GNG12: variants seen among roughly 807,000 people sequenced by gnomAD.
GNG12 encodes the protein G protein subunit gamma 12, also known as guanine nucleotide-binding protein G(I)/G(S)/G(O) subunit gamma-12.
For synonymous variants in GNG12, 28 were observed against 29.7 expected, an observed-to-expected ratio of 0.94 and a Z score of 0.19; for missense variants, 69 against 83.8, an observed-to-expected ratio of 0.82 and a Z score of 0.69.
intron 1 of GNG12, among the ~76,000 whole-genome samples, chr1:67,781,465 A>G (rs976400399): frequency 2.0e-5 from 3 of 152,204 alleles, no homozygotes; most frequent in Non-Finnish European, 2.9e-5. Flanking sequence ...TCTTGACTTG[A>G]GGCCTTTACA....
intron 3 of GNG12, among the ~76,000 whole-genome samples, chr1:67,706,007 A>G (rs1174945421): frequency 6.6e-6 from 1 of 152,218 alleles, no homozygotes; most frequent in Admixed American, 6.5e-5. Context: ...ATAATCCTGA[A>G]CTGCAAATAA....
intron 1 of GNG12, among the ~76,000 whole-genome samples, chr1:67,824,526 AAAGG>A (rs1213982154): frequency 6.6e-6 from 1 of 151,736 alleles, no homozygotes; most frequent in Non-Finnish European, 1.5e-5. Context: ...AAAAAAAAAA[AAAGG>A]AAGCAAGAAA....
chr1:67,807,079 A>T (rs1224736644), intron 1 of GNG12, among the ~76,000 whole-genome samples: 2 of 152,220 alleles, frequency 1.3e-5, no homozygotes, highest in Non-Finnish European at 2.9e-5. Context: ...TATAAACCAT[A>T]CAATGTCTGC....
chr1:67,731,735 A>G (rs1003197763), intron 2 of GNG12, among the ~76,000 whole-genome samples: 14 of 152,232 alleles, frequency 9.2e-5, no homozygotes, highest in Admixed American at 9.2e-4. Flanking sequence ...GCGGGGCATG[A>G]TATGATCAGA....
At chr1:67,818,719 G>C (rs886374803) in intron 1 of GNG12, among the ~76,000 whole-genome samples, 2 of 152,180 alleles carry the variant, frequency 1.3e-5, no homozygotes, top group Non-Finnish European at 2.9e-5. Flanking sequence ...ACAAAGGAAA[G>C]AGAGATCAAG....
At chr1:67,775,956 G>A (rs1646702719) in intron 2 of GNG12, among the ~76,000 whole-genome samples, 1 of 152,184 alleles carries the variant, frequency 6.6e-6, no homozygotes, top group Non-Finnish European at 1.5e-5. Flanking sequence ...AGCAGGACTT[G>A]AACAAGAGAG....
chr1:67,739,026 A>C (rs554194040), intron 2 of GNG12, among the ~76,000 whole-genome samples: 2 of 152,166 alleles, frequency 1.3e-5, no homozygotes, highest in Non-Finnish European at 2.9e-5. Context: ...TAAAAATACA[A>C]AAATTAGCTG....
intron 1 of GNG12, among the ~76,000 whole-genome samples, chr1:67,823,298 A>T (rs1646994066): frequency 6.6e-6 from 1 of 152,238 alleles, no homozygotes; most frequent in Non-Finnish European, 1.5e-5. Context: ...CTAGAAGATC[A>T]TCTTCATCAT....
At chr1:67,743,861 T>C (rs1646495352) in intron 2 of GNG12, among the ~76,000 whole-genome samples, 2 of 152,186 alleles carry the variant, frequency 1.3e-5, no homozygotes, top group Admixed American at 6.5e-5. Context: ...TTGAGAATGT[T>C]AGTTGCATGT....
At chr1:67,801,373 T>G (rs1646864604) in intron 1 of GNG12, among the ~76,000 whole-genome samples, 1 of 152,186 alleles carries the variant, frequency 6.6e-6, no homozygotes, top group Non-Finnish European at 1.5e-5. Flanking sequence ...GAATTATCTG[T>G]TCAAGGTCAC....
In GNG12 at chr1:67,707,542, G is replaced by C; in HGVS notation, c.93+52C>G. 3 of 953,022 alleles carry C rather than the reference G, an allele frequency of 3.1e-6. No homozygotes were observed. In the South Asian group the frequency reaches 4.2e-5, roughly 13 times the overall value. The allele number at this position is 953,022 out of a possible 1,614,324, so 59.0% of individuals were successfully genotyped here. A position where few individuals can be genotyped will look rare whatever the true frequency, so the allele number is the denominator to read the frequency against. On this transcript the variant is annotated intron_variant, in intron 3 of 3. Coordinates refer to ENST00000370982, the MANE Select transcript of GNG12 (RefSeq NM_018841.6). Reference sequence around the variant, plus strand: ...CTCTGACAAGTGGTCCAGCCACAAGGAACAGGGGGAACTGAGCAGAAAGCA... The same window carrying C: ...CTCTGACAAGTGGTCCAGCCACAAGCAACAGGGGGAACTGAGCAGAAAGCA...
chr1:67,754,063 T>C (rs1646554237), intron 2 of GNG12, among the ~76,000 whole-genome samples: 1 of 152,146 alleles, frequency 6.6e-6, no homozygotes, highest in African/African-American at 2.4e-5. Flanking sequence ...GTGTAACAAC[T>C]TTCTGTTCCC....
chr1:67,719,297 T>C (rs1646344038), intron 2 of GNG12, among the ~76,000 whole-genome samples: 1 of 152,226 alleles, frequency 6.6e-6, no homozygotes, highest in Non-Finnish European at 1.5e-5. Flanking sequence ...GTCTCCCTAA[T>C]TAATTTTGTT....
intron 1 of GNG12, among the ~76,000 whole-genome samples, chr1:67,801,578 G>T (rs750950929): frequency 6.6e-6 from 1 of 152,136 alleles, no homozygotes; most frequent in Non-Finnish European, 1.5e-5. Context: ...TCGTGCTGTC[G>T]AAAGATTATA....
At position 67,724,501 on chromosome 1, in the gene GNG12, T is replaced by C. The variant is rs554867751; in HGVS notation, c.-26-16789A>G. Among the ~76,000 whole-genome samples, 187 of 152,310 alleles carry C rather than the reference T, an allele frequency of 1.2e-3. 3 individuals carry two copies. The South Asian group carries it at 0.038, about 31-fold the overall frequency. Reference sequence around the variant, plus strand: ...GCTTCCCAGGTTCAAGTGATTCTCCTGCCTCAGCCTCCTGAGTAGCTGGGA... The same window carrying C: ...GCTTCCCAGGTTCAAGTGATTCTCCCGCCTCAGCCTCCTGAGTAGCTGGGA... On this transcript the variant is annotated intron_variant, in intron 2 of 3. Transcript: ENST00000370982.
intron 2 of GNG12, among the ~76,000 whole-genome samples, chr1:67,763,255 C>T (rs1299302819): frequency 2.0e-5 from 3 of 152,182 alleles, no homozygotes; most frequent in Non-Finnish European, 4.4e-5. Context: ...ATCTGATCTA[C>T]AACCTTATTC....
chr1:67,707,164 T>C (rs758950673), intron 3 of GNG12, among the ~76,000 whole-genome samples: 12 of 152,228 alleles, frequency 7.9e-5, no homozygotes, highest in Non-Finnish European at 1.5e-4. Context: ...ATTTAAAAGC[T>C]TCATTTCCCT....
At chr1:67,779,990 C>A (rs1470740908) in intron 1 of GNG12, among the ~76,000 whole-genome samples, 1 of 152,138 alleles carries the variant, frequency 6.6e-6, no homozygotes, top group African/African-American at 2.4e-5. Context: ...GTATTATCAT[C>A]TTTAAAATAG....
intron 1 of GNG12, among the ~76,000 whole-genome samples, chr1:67,811,889 G>C (rs1469491717): frequency 6.6e-6 from 1 of 152,220 alleles, no homozygotes; most frequent in Non-Finnish European, 1.5e-5. Flanking sequence ...GACAATCATG[G>C]GAGGGTTTTT....
Sources: allele counts gnomAD v4.1 joint callset (sites outside exome capture counted in the v4.1 genomes callset), GRCh38; gene constraint gnomAD v4.1.1; transcripts MANE v1.5; gene names NCBI Gene and HGNC (gene_info 2026-07-23, HGNC 2026-07-21).